Variants in ZNF415 observed in about 807,000 individuals in gnomAD.
ZNF415 encodes zinc finger protein 415.
Under a neutral mutation model 7.3 loss-of-function variants are expected in ZNF415, and 5 were observed. The observed-to-expected ratio is 0.69, with a 90% CI of 0.36 to 1.44. The LOEUF (loss-of-function observed/expected upper bound fraction) is 1.44. ZNF415 is among the 40% of genes most tolerant of loss of function. ZNF415 has a pLI of 0.04. For synonymous variants in ZNF415, 207 were observed against 226.3 expected (o/e 0.91, Z 0.77); for missense variants, 628 against 664.8 (o/e 0.94, Z 0.61).
intron 2 of ZNF415, among the ~76,000 whole-genome samples, chr19:53,121,039 G>C (rs947206105): frequency 3.6e-5 from 5 of 137,184 alleles, no homozygotes; most frequent in African/African-American, 1.4e-4. Context: ...AGCTGAGATC[G>C]CGCCACTGCA....
Position 53,108,999 on chromosome 19 carries a change from A to G in ZNF415, c.1046T>C (p.Ile349Thr). ...TTTGTAAGGTTTCTTGCCACTATGA[A>G]TTACCTGATGGTTGGTAAGTGTTGA... ...VRSTLTNHQVIHSGKKPYKCN... is the reference protein window; with the variant it reads ...VRSTLTNHQVTHSGKKPYKCN... The change falls in exon 4 of 4, where the codon ATT (isoleucine) becomes ACT (threonine). Residue 349 changes from isoleucine to threonine, a missense_variant. Coordinates refer to ENST00000243643, the MANE Select transcript of ZNF415 (RefSeq NM_018355.4). 1.2e-6 allele frequency: 2 copies of G among 1,614,076 alleles called. No individual in the cohort carries two copies. Among genetic ancestry groups the G allele is most frequent in the East Asian group, 4.5e-5 (2 of 44,876 alleles).
chr19:53,130,177 A>G (rs1431062148), intron 1 of ZNF415, among the ~76,000 whole-genome samples: 1 of 152,216 alleles, frequency 6.6e-6, no homozygotes, highest in Non-Finnish European at 1.5e-5. Flanking sequence ...AATGCAGCTC[A>G]CAGCTTACTA....
chr19:53,127,347 C>G (rs976272598), intron 1 of ZNF415, among the ~76,000 whole-genome samples: 3 of 152,158 alleles, frequency 2.0e-5, no homozygotes, highest in African/African-American at 7.2e-5. Context: ...AGCCCGGCTA[C>G]GAAATTTCGC....
chr19:53,127,875 C>A (rs943053017), intron 1 of ZNF415, among the ~76,000 whole-genome samples: 331 of 126,146 alleles, frequency 2.6e-3, no homozygotes, highest in South Asian at 2.9e-3. Flanking sequence ...GACACCGTCT[C>A]AAAAAAAAAA....
At chr19:53,115,585 T>G in intron 3 of ZNF415, 1 of 767,670 alleles carries the variant, frequency 1.3e-6, no homozygotes, top group Admixed American at 2.4e-5. Flanking sequence ...AGTTTAAAAT[T>G]TCCTCTAAGA....
chr19:53,122,833 G>A (rs1003229280), intron 1 of ZNF415, 90 bp from the exon 2 acceptor site: 33 of 1,032,856 alleles, frequency 3.2e-5, no homozygotes, highest in Admixed American at 1.4e-4. Flanking sequence ...GGAGGAGCTC[G>A]CCCTGTGCAA....
intron 2 of ZNF415, among the ~76,000 whole-genome samples, chr19:53,121,616 C>T (rs2088084936): frequency 6.6e-6 from 1 of 151,650 alleles, no homozygotes; most frequent in African/African-American, 2.4e-5. Flanking sequence ...TTAGTAAAGA[C>T]GGGGTTTCAC....
chr19:53,119,441 T>A (rs1172239950), intron 2 of ZNF415, among the ~76,000 whole-genome samples: 9 of 50,032 alleles, frequency 1.8e-4, no homozygotes, highest in African/African-American at 6.7e-4. Context: ...CAAGACTCCA[T>A]CTCAAAAAAA....
rs922431759 is a variant in ZNF415 at position 53,128,464 on chromosome 19, G to A, written c.-68+4392C>T. ...GCCAAATTCCCCCGCTGTTTAGGGA[G>A]TGCCTCCTTCATGGCCCGTTTAGCT... On this transcript the variant is annotated intron_variant, in intron 1 of 3. Coordinates refer to ENST00000243643, the MANE Select transcript of ZNF415 (RefSeq NM_018355.4). Among the ~76,000 whole-genome samples the A allele has an allele frequency of 2.1e-5, 3 of 139,646 alleles. No individual in the cohort carries two copies. The Admixed American group carries it at 2.3e-4, about 11-fold the overall frequency. 91.6% of individuals were successfully genotyped at this position (139,646 alleles called of 152,430 possible).
chr19:53,110,013 G>C, intron 3 of ZNF415, 105 bp from the exon 4 acceptor site: 2 of 904,668 alleles, frequency 2.2e-6, no homozygotes, highest in Non-Finnish European at 3.2e-6. Context: ...ATATACAACA[G>C]AGTTATAAAA....
Position 53,109,337 on chromosome 19 carries a change from T to C in ZNF415, c.708A>G (p.Val236=), listed in dbSNP as rs775473432. The C allele has an allele frequency of 6.2e-7, 1 of 1,614,174 alleles. No homozygotes were observed. Among genetic ancestry groups the C allele is most frequent in the Non-Finnish European group, 8.5e-7 (1 of 1,180,024 alleles). ...NHGSHMTVRQ[V]SHSGEKGYKC... ...TATATCCTTTCTCTCCAGAATGACT[T>C]ACCTGACGTACAGTCATGTGTGAGC... The change falls in exon 4 of 4, where the codon GTA becomes GTG. Residue 236 remains valine (V), a synonymous_variant. Coordinates refer to ENST00000243643, the MANE Select transcript of ZNF415 (RefSeq NM_018355.4).
At chr19:53,125,264 G>A (rs891538936) in intron 1 of ZNF415, among the ~76,000 whole-genome samples, 15 of 151,606 alleles carry the variant, frequency 9.9e-5, no homozygotes, top group East Asian at 1.9e-4. Flanking sequence ...GGATGGTCTC[G>A]ATCTCCTGAC....
At chr19:53,125,386 G>T (rs1457534458) in intron 1 of ZNF415, among the ~76,000 whole-genome samples, 2 of 151,174 alleles carry the variant, frequency 1.3e-5, no homozygotes, top group Admixed American at 1.3e-4. Flanking sequence ...CCAGGCTAGA[G>T]TGCAGTGATG....
chr19:53,108,506 T>G lies in ZNF415; in HGVS notation c.1539A>C (p.Arg513Ser). The change falls in exon 4 of 4, where the codon AGA becomes AGC. Residue 513 changes from arginine (R) to serine (S), a missense_variant. Physicochemically the swap from Arg to Ser is moderately radical, Grantham distance 110. Coordinates refer to ENST00000243643, the MANE Select transcript of ZNF415 (RefSeq NM_018355.4). ...TCTTTCCAGTATGGATTATCTGATG[T>G]CTAGTGAGGTTTGGGCGCACACTAA... ...KSFSVRPNLT[R>S]HQIIHTGKKP... is the part of the protein sequence containing the mutation. 1 of 1,614,144 alleles carries G rather than the reference T, an allele frequency of 6.2e-7. No individual in the cohort carries two copies.
Position 53,109,097 on chromosome 19 carries a change from T to G in ZNF415, c.948A>C (p.Ala316=). ...CTCCAATATGAGTTTTCTGATGTAG[T>G]GCAAGGCATGAATTTCGACTGAAGA... The part of the protein sequence containing the change: ...DKVFSRNSCL[A]LHQKTHIGEK... Residue 316 remains alanine, a synonymous_variant, in exon 4 of 4, where the codon GCA becomes GCC. Coordinates refer to ENST00000243643, the MANE Select transcript of ZNF415 (RefSeq NM_018355.4). The G allele has an allele frequency of 3.7e-6, 6 of 1,613,926 alleles. No homozygotes were observed. The highest frequency in any genetic ancestry group is 5.1e-6 in the Non-Finnish European group (6 of 1,179,996).
intron 1 of ZNF415, among the ~76,000 whole-genome samples, chr19:53,128,441 C>A (rs7248504): frequency 0.85 from 115,829 of 136,186 alleles, 48,919 homozygotes; most frequent in Non-Finnish European, 0.89. Flanking sequence ...AGTCCCCTGC[C>A]AAATTCCCCC....
At chr19:53,122,312 A>C in intron 2 of ZNF415, 7 of 1,287,552 alleles carry the variant, frequency 5.4e-6, no homozygotes, top group Non-Finnish European at 7.5e-6. Context: ...CAGCTTCTCT[A>C]TTCCTGGGCT....
chr19:53,127,020 G>C (rs1211092080), intron 1 of ZNF415, among the ~76,000 whole-genome samples: 42 of 123,332 alleles, frequency 3.4e-4, no homozygotes, highest in African/African-American at 1.1e-3. Context: ...CGGCCTGGCT[G>C]CAAGAATGTG....
chr19:53,132,270 G>T (rs1332415868), intron 1 of ZNF415, among the ~76,000 whole-genome samples: 1 of 152,132 alleles, frequency 6.6e-6, no homozygotes, highest in African/African-American at 2.4e-5. Flanking sequence ...AGGACGGTTT[G>T]GGGTAAGACG....
Sources: gnomAD v4.1 joint callset for allele counts (sites outside exome capture counted in the v4.1 genomes callset) on GRCh38, gnomAD v4.1.1 for gene constraint, MANE v1.5 for transcripts, NCBI Gene and HGNC (gene_info 2026-07-23, HGNC 2026-07-21) for gene names.